TENM4: variants seen among roughly 807,000 people sequenced by gnomAD.
TENM4 encodes the protein teneurin-4.
A neutral mutation model predicts 243.3 loss-of-function variants in TENM4; 82 were observed. The ratio of observed to expected loss-of-function variants is 0.34; its 90% CI spans 0.28 to 0.40. TENM4 has a LOEUF of 0.40. TENM4 is among the 10% of genes least tolerant of loss of function. The pLI is 1.00. For missense variants in TENM4, 3,138 were observed against 3,673.3 expected (o/e 0.85, Z 3.77); for synonymous variants, 1,412 against 1,456.3 (o/e 0.97, Z 0.69).
intron 9 of TENM4, among the ~76,000 whole-genome samples, chr11:78,864,361 G>A (rs547475116): frequency 1.6e-3 from 236 of 145,342 alleles, no homozygotes; most frequent in Admixed American, 3.2e-3. Flanking sequence ...GTGAACCTGG[G>A]AGGCGGAGCT....
At chr11:78,952,482 CAG>C in intron 6 of TENM4, among the ~76,000 whole-genome samples, 1 of 152,272 alleles carries the variant, frequency 6.6e-6, no homozygotes, top group South Asian at 2.1e-4. Flanking sequence ...AAGGGAGAGA[CAG>C]GGGCAGGGAG....
At chr11:78,665,551 C>T (rs1294395461) in intron 32 of TENM4, among the ~76,000 whole-genome samples, 1 of 152,204 alleles carries the variant, frequency 6.6e-6, no homozygotes, top group African/African-American at 2.4e-5. Context: ...GGATTGCAGG[C>T]ATGAGCCACA....
intron 6 of TENM4, among the ~76,000 whole-genome samples, chr11:78,904,072 A>T (rs1394321758): frequency 2.0e-5 from 3 of 152,162 alleles, no homozygotes; most frequent in African/African-American, 4.8e-5. Flanking sequence ...TTTTAAAAGT[A>T]AAACGTGGCC....
chr11:78,828,600 A>C (rs1346095864), intron 12 of TENM4, among the ~76,000 whole-genome samples: 1 of 152,246 alleles, frequency 6.6e-6, no homozygotes, highest in Non-Finnish European at 1.5e-5. Flanking sequence ...ACTTGGGTCT[A>C]TATCTTTGAG....
intron 7 of TENM4, among the ~76,000 whole-genome samples, chr11:78,892,561 C>T (rs1591105978): frequency 2.6e-5 from 4 of 152,262 alleles, no homozygotes; most frequent in East Asian, 1.9e-4. Context: ...GTACTGAGCT[C>T]ACAAGGTTGT....
intron 6 of TENM4, among the ~76,000 whole-genome samples, chr11:79,011,479 C>T (rs900219971): frequency 1.3e-5 from 2 of 152,184 alleles, no homozygotes; most frequent in Non-Finnish European, 1.5e-5. Context: ...GCGAGTATTG[C>T]CTTGCTTCTG....
intron 1 of TENM4, among the ~76,000 whole-genome samples, chr11:79,337,032 G>A (rs1857159465): frequency 6.6e-6 from 1 of 152,246 alleles, no homozygotes; most frequent in African/African-American, 2.4e-5. Context: ...AGGGGACAAG[G>A]AGGTTACCAA....
At chr11:79,040,665 C>A (rs1160002365) in intron 6 of TENM4, among the ~76,000 whole-genome samples, 2 of 152,162 alleles carry the variant, frequency 1.3e-5, no homozygotes, top group Admixed American at 1.3e-4. Context: ...GGAGAGGAGG[C>A]AAAGAGGGAG....
At chr11:78,835,119 A>C (rs879637215) in intron 12 of TENM4, among the ~76,000 whole-genome samples, 10 of 152,108 alleles carry the variant, frequency 6.6e-5, no homozygotes, top group Admixed American at 5.9e-4. Context: ...CAGGGCGGTG[A>C]GGCATGTAAC....
chr11:78,981,531 A>T (rs1857795055), intron 6 of TENM4, among the ~76,000 whole-genome samples: 2 of 151,888 alleles, frequency 1.3e-5, no homozygotes, highest in African/African-American at 4.8e-5. Flanking sequence ...CCCCTTCCTC[A>T]TGAGGGAATC....
intron 4 of TENM4, among the ~76,000 whole-genome samples, chr11:79,111,566 G>C (rs186673005): frequency 6.6e-6 from 1 of 151,762 alleles, no homozygotes; most frequent in South Asian, 2.1e-4. Flanking sequence ...CAACAACAAC[G>C]ACAAAAAAAC....
At chr11:78,926,432 C>A (rs553927260) in intron 6 of TENM4, among the ~76,000 whole-genome samples, 2 of 151,872 alleles carry the variant, frequency 1.3e-5, no homozygotes, top group African/African-American at 2.4e-5. Context: ...TGCTACCACG[C>A]CTGGCTAATT....
chr11:79,059,836 A>C (rs1039258435), intron 6 of TENM4, among the ~76,000 whole-genome samples: 1 of 152,226 alleles, frequency 6.6e-6, no homozygotes, highest in Admixed American at 6.5e-5. Context: ...TGCCTTGCCC[A>C]AGATCTCAGA....
rs190423473 is a variant in TENM4, at chr11:78,892,931, C to T, written c.750-1595G>A. On this transcript the variant is annotated intron_variant, in intron 7 of 33. Coordinates refer to ENST00000278550, the MANE Select transcript of TENM4 (RefSeq NM_001098816.3). ...TCTCTGCACAGCTTTGTGGCTACTG[C>T]CCCTGGTCAGCCTCAAAGACCCAAA... 1.9e-3 allele frequency among the ~76,000 whole-genome samples: 282 copies of T among 152,334 alleles called. 1 individual carries two copies. Among genetic ancestry groups the T allele is most frequent in the Admixed American group, 0.014 (216 of 15,308 alleles).
chr11:78,883,092 C>T (rs796770206), intron 9 of TENM4, among the ~76,000 whole-genome samples: 12 of 152,338 alleles, frequency 7.9e-5, no homozygotes, highest in African/African-American at 2.9e-4. Flanking sequence ...ACAGGACAAT[C>T]CACTCCTGCC....
intron 1 of TENM4, among the ~76,000 whole-genome samples, chr11:79,383,942 A>C (rs186374561): frequency 1.1e-3 from 175 of 152,276 alleles, no homozygotes; most frequent in African/African-American, 4.1e-3. Context: ...ATTGAGCCCC[A>C]TATTTCTATG....
In TENM4 at chr11:79,320,492, A is replaced by T. The variant is rs181458669; in HGVS notation, c.-320-22949T>A. Reference sequence around the variant, plus strand: ...GACAGGTGAGTTATTTCTAGTCCTCACGAGCAGCTCCTCAGGGTAACTATT... The same window carrying T: ...GACAGGTGAGTTATTTCTAGTCCTCTCGAGCAGCTCCTCAGGGTAACTATT... On this transcript the variant is annotated intron_variant, in intron 1 of 33. Transcript: ENST00000278550. 1.4e-3 allele frequency among the ~76,000 whole-genome samples: 217 copies of T among 152,346 alleles called. 1 individual carries two copies. The East Asian group carries it at 0.028, about 20-fold the overall frequency.
chr11:78,748,952 T>C (rs1298785270), intron 19 of TENM4, among the ~76,000 whole-genome samples: 1 of 152,150 alleles, frequency 6.6e-6, no homozygotes, highest in Non-Finnish European at 1.5e-5. Flanking sequence ...CAAGGTCCCA[T>C]GTTCTCACTT....
intron 12 of TENM4, among the ~76,000 whole-genome samples, chr11:78,850,572 C>T (rs1220282454): frequency 2.0e-5 from 3 of 152,044 alleles, no homozygotes; most frequent in African/African-American, 4.8e-5. Context: ...TTGGGGAAAG[C>T]GGGATTAATA....
Sources: allele counts gnomAD v4.1 joint callset (sites outside exome capture counted in the v4.1 genomes callset), GRCh38; gene constraint gnomAD v4.1.1; transcripts MANE v1.5; gene names NCBI Gene and HGNC (gene_info 2026-07-23, HGNC 2026-07-21).